Variants in FURIN observed in about 807,000 individuals in gnomAD.
The protein encoded by FURIN is furin, paired basic amino acid cleaving enzyme, also known as FES upstream region.
Under a neutral mutation model 89.2 loss-of-function variants are expected in FURIN, and 18 were observed. That is an observed-to-expected ratio of 0.20 (90% CI 0.14 to 0.30). The LOEUF is 0.30. Among genes scored for constraint, FURIN ranks in the 10% least tolerant of loss-of-function variants. The pLI is 1.00. For missense variants in FURIN, 879 were observed against 1,100.5 expected (o/e 0.80, Z 2.85); for synonymous variants, 508 against 466.4 (o/e 1.09, Z -1.15).
Position 90,879,874 on chromosome 15 carries a change from C to A in FURIN, c.1266C>A (p.His422Gln), listed in dbSNP as rs1483580724. 6.2e-7 allele frequency: 1 copy of A among 1,612,502 alleles called. No homozygotes were observed. Among genetic ancestry groups the A allele is most frequent in the Non-Finnish European group, 8.5e-7 (1 of 1,178,976 alleles). ...ATNGVGRKVS[H>Q]SYGYGLLDAG... ...CCTTCCCTGTCCCCACAGTGAGCCA[C>A]TCATATGGCTACGGGCTTTTGGACG... The change falls in exon 12 of 16, where the codon CAC (histidine) becomes CAA (glutamine). Residue 422 changes from histidine (H) to glutamine (Q), a missense_variant. Physicochemically the swap from His to Gln is conservative, Grantham distance 24 (BLOSUM62 0). Transcript: ENST00000268171.
At chr15:90,877,499 A>G (rs1422239526) in intron 6 of FURIN, 28 bp from the exon 7 acceptor site, 1 of 1,538,500 alleles carries the variant, frequency 6.5e-7, no homozygotes, top group South Asian at 1.2e-5. Flanking sequence ...CATTTGTTCT[A>G]CTCATGCTAC....
At chr15:90,870,754 C>T (rs1027908316) in intron 1 of FURIN, among the ~76,000 whole-genome samples, 1 of 152,192 alleles carries the variant, frequency 6.6e-6, no homozygotes, top group Admixed American at 6.5e-5. Flanking sequence ...CTGCCAAACA[C>T]CCCAGTCTCT....
Position 90,878,981 on chromosome 15 carries a change from G to T in FURIN, c.1053+5G>T. The stretch of plus-strand genomic sequence containing the variant: ...AACCAGAATGAGAAGCAGATCGTGA[G>T]TCTTACCTGGGGGTGGGGGCTGGGG... On this transcript the variant is annotated splice_donor_5th_base_variant and intron_variant, in intron 9 of 15. Transcript: ENST00000268171. 1.3e-6 allele frequency: 2 copies of T among 1,521,506 alleles called. No homozygotes were observed. Among genetic ancestry groups the T allele is most frequent in the Non-Finnish European group, 1.8e-6 (2 of 1,114,298 alleles). The allele number at this position is 1,521,506 out of a possible 1,614,324, so 94.3% of individuals were successfully genotyped here.
In FURIN at chr15:90,880,178, T is replaced by C; in HGVS notation, c.1461T>C (p.Ala487=). 1.9e-6 allele frequency: 3 copies of C among 1,612,584 alleles called. No homozygotes were observed. The highest frequency in any genetic ancestry group is 2.5e-6 in the Non-Finnish European group (3 of 1,179,594). Residue 487 remains alanine, a synonymous_variant, in exon 13 of 16, where the codon GCT becomes GCC. Transcript: ENST00000268171. ...EPNHITRLEH[A]QARLTLSYNR... The stretch of plus-strand genomic sequence containing the variant: ...ACCACATCACTCGGCTGGAGCACGC[T>C]CAGGCGCGGCTCACCCTGTCCTATA...
Position 90,880,182 on chromosome 15 carries a change from G to A in FURIN, c.1465G>A (p.Ala489Thr). The A allele has an allele frequency of 6.2e-7, 1 of 1,612,656 alleles. No homozygotes were observed. The highest frequency in any genetic ancestry group is 8.5e-7 in the Non-Finnish European group (1 of 1,179,662). ...CATCACTCGGCTGGAGCACGCTCAG[G>A]CGCGGCTCACCCTGTCCTATAATCG... ...NHITRLEHAQARLTLSYNRRG... is the reference protein window; with the variant it reads ...NHITRLEHAQTRLTLSYNRRG... Residue 489 changes from alanine to threonine, a missense_variant, in exon 13 of 16, where the codon GCG becomes ACG. Physicochemically the swap from Ala to Thr is moderately conservative, Grantham distance 58 (BLOSUM62 0). Coordinates refer to ENST00000268171, the MANE Select transcript of FURIN (RefSeq NM_002569.4).
At chr15:90,877,075 G>A in intron 5 of FURIN, 51 bp downstream of exon 5, 15 of 1,612,860 alleles carry the variant, frequency 9.3e-6, no homozygotes, top group Non-Finnish European at 1.2e-5. Flanking sequence ...TGTGTCTAGA[G>A]GCTGTCTTGT....
In FURIN at chr15:90,876,554, C is replaced by A. The variant is rs1290577163; in HGVS notation, c.369C>A (p.Tyr123Ter). Reference sequence around the variant, plus strand: ...ACCCCAAGTTTCCTCAGCAGTGGTACCTGGTACGTGGCCTTCTTCGCTGCT... The same window carrying A: ...ACCCCAAGTTTCCTCAGCAGTGGTAACTGGTACGTGGCCTTCTTCGCTGCT... ...PTDPKFPQQWYLSGVTQRDLN... is the reference protein window; with the variant it reads ...PTDPKFPQQW The change falls in exon 4 of 16, where the codon TAC becomes TAA. Residue 123 changes from tyrosine (Y) to a stop codon, truncating the protein, a stop_gained. Coordinates refer to ENST00000268171, the MANE Select transcript of FURIN (RefSeq NM_002569.4). LOFTEE classifies it high-confidence loss of function. The surrounding 1 kb of genome is among the most constrained non-coding windows in gnomAD (Gnocchi z 5.0). 6.2e-7 allele frequency: 1 copy of A among 1,604,032 alleles called. No homozygotes were observed. Among genetic ancestry groups the A allele is most frequent in the Admixed American group, 1.7e-5 (1 of 60,002 alleles).
rs974187066 is a variant in FURIN, at chr15:90,881,386, T to C, written c.1893T>C (p.Asn631=). 17 of 1,612,770 alleles carry C rather than the reference T, an allele frequency of 1.1e-5. No individual in the cohort carries two copies. The highest frequency in any genetic ancestry group is 1.4e-5 in the Non-Finnish European group (17 of 1,179,924). Residue 631 remains asparagine, a synonymous_variant, in exon 16 of 16, where the codon AAT becomes AAC. Transcript: ENST00000268171. The surrounding 1 kb of genome is among the most constrained non-coding windows in gnomAD (Gnocchi z 4.3). The part of the protein sequence containing the change: ...QVLDTHYSTE[N]DVETIRASVC... Reference sequence around the variant, plus strand: ...TCGATACGCACTATAGCACCGAGAATGACGTGGAGACCATCCGGGCCAGCG... The same window carrying C: ...TCGATACGCACTATAGCACCGAGAACGACGTGGAGACCATCCGGGCCAGCG...
At position 90,879,768 on chromosome 15, in the gene FURIN, C is replaced by T. The variant is rs559606832; in HGVS notation, c.1252C>T (p.Arg418Trp). The change falls in exon 11 of 16, where the codon CGG becomes TGG. Residue 418 changes from arginine to tryptophan, a missense_variant. Coordinates refer to ENST00000268171, the MANE Select transcript of FURIN (RefSeq NM_002569.4). ...ANDWATNGVGRKVSHSYGYGL... is the reference protein window; with the variant it reads ...ANDWATNGVGWKVSHSYGYGL... ...CGACTGGGCCACCAATGGTGTGGGC[C>T]GGAAAGGTGAGGGCAGGCTGGCCCG... 7 of 1,613,270 alleles carry T rather than the reference C, an allele frequency of 4.3e-6. No homozygotes were observed. The highest frequency in any genetic ancestry group is 2.2e-5 in the East Asian group (1 of 44,900).
chr15:90,876,899 G>C lies in FURIN; in HGVS notation c.376G>C (p.Gly126Arg). ...GATGGGGTGGGTGTCTCCACAGTCT[G>C]GTGTCACTCAGCGGGACCTGAATGT... is the stretch of plus-strand genomic sequence containing the variant. ...PKFPQQWYLS[G>R]VTQRDLNVKA... The change falls in exon 5 of 16, where the codon GGT becomes CGT. Residue 126 changes from glycine (G) to arginine (R), a missense_variant. Transcript: ENST00000268171. This position sits in a 1 kb window ranked among gnomAD's most constrained non-coding sequence, Gnocchi z 5.0. The C allele has an allele frequency of 6.2e-7, 1 of 1,614,098 alleles. No homozygotes were observed. Among genetic ancestry groups the C allele is most frequent in the Non-Finnish European group, 8.5e-7 (1 of 1,179,960 alleles).
Position 90,882,101 on chromosome 15 carries a change from T to G in FURIN, c.*223T>G. 1 of 541,300 alleles carries G rather than the reference T, an allele frequency of 1.8e-6. No individual in the cohort carries two copies. The highest frequency in any genetic ancestry group is 3.3e-6 in the Non-Finnish European group (1 of 304,830). The allele number at this position is 541,300 out of a possible 1,614,324, so 33.5% of individuals were successfully genotyped here. A position where few individuals can be genotyped will look rare whatever the true frequency, so the allele number is the denominator to read the frequency against. ...TACCCCACCCTCAGCACCCCTTCCA[T>G]GTGGAGAAAGGAGTGAAACCTTTAG... On this transcript the variant is annotated 3_prime_UTR_variant, in exon 16 of 16. Coordinates refer to ENST00000268171, the MANE Select transcript of FURIN (RefSeq NM_002569.4).
At chr15:90,875,311 G>A (rs1055189721) in intron 1 of FURIN, among the ~76,000 whole-genome samples, 21 of 152,156 alleles carry the variant, frequency 1.4e-4, no homozygotes, top group African/African-American at 5.1e-4. Context: ...CTGGATGACA[G>A]AAGTGAGCCA....
chr15:90,879,230 C>T (rs1404401993), intron 9 of FURIN, among the ~76,000 whole-genome samples: 1 of 152,214 alleles, frequency 6.6e-6, no homozygotes, highest in South Asian at 2.1e-4. Context: ...AGTTGAACCC[C>T]CTTATTCCTT....
chr15:90,879,799 C>G, intron 11 of FURIN, 25 bp downstream of exon 11: 1 of 1,609,364 alleles, frequency 6.2e-7, no homozygotes, highest in Non-Finnish European at 8.5e-7. Context: ...GCCCGGCAGG[C>G]TGGATGTGGA....
intron 8 of FURIN, 65 bp from the exon 9 acceptor site, chr15:90,878,699 G>A: frequency 1.0e-6 from 1 of 953,100 alleles, no homozygotes; most frequent in Non-Finnish European, 1.6e-6. Flanking sequence ...TTTTCCAGCA[G>A]TGTCCTCCTG....
chr15:90,880,826 C>T lies in FURIN; in HGVS notation c.1681+11C>T, dbSNP rs2031921067. ...AAGCCAACAACTATGGTACTGGGGGCACTTGAGGGGTAGGGGTACGAGGTG... is the reference window on the plus strand; with the variant it reads ...AAGCCAACAACTATGGTACTGGGGGTACTTGAGGGGTAGGGGTACGAGGTG... On this transcript the variant is annotated intron_variant, in intron 14 of 15. Coordinates refer to ENST00000268171, the MANE Select transcript of FURIN (RefSeq NM_002569.4). The T allele has an allele frequency of 2.5e-6, 4 of 1,612,032 alleles. No homozygotes were observed. The highest frequency in any genetic ancestry group is 2.2e-5 in the South Asian group (2 of 90,850).
chr15:90,869,283 C>T (rs572245557), intron 1 of FURIN, among the ~76,000 whole-genome samples: 40 of 152,098 alleles, frequency 2.6e-4, no homozygotes, highest in Non-Finnish European at 5.1e-4. Context: ...GGACCTTGGG[C>T]CCCTAGGGCC....
intron 1 of FURIN, among the ~76,000 whole-genome samples, chr15:90,874,815 C>G (rs1006563731): frequency 1.3e-5 from 2 of 152,196 alleles, no homozygotes; most frequent in African/African-American, 4.8e-5. Flanking sequence ...CCACCGTTAA[C>G]ATTTTTTAGC....
Position 90,876,622 on chromosome 15 carries a change from T to G in FURIN, c.372+65T>G. 1.9e-5 allele frequency: 20 copies of G among 1,066,824 alleles called. No individual in the cohort carries two copies. Among genetic ancestry groups the G allele is most frequent in the Non-Finnish European group, 2.5e-5 (17 of 689,474 alleles). The allele number at this position is 1,066,824 out of a possible 1,614,324, so 66.1% of individuals were successfully genotyped here. A position where few individuals can be genotyped will look rare whatever the true frequency, so the allele number is the denominator to read the frequency against. Reference sequence around the variant, plus strand: ...TGCACCATCCACCCACTATGAGCTCTTGGATGGAGGAGGCTGTCTTCGAGG... The same window carrying G: ...TGCACCATCCACCCACTATGAGCTCGTGGATGGAGGAGGCTGTCTTCGAGG... On this transcript the variant is annotated intron_variant, in intron 4 of 15. Transcript: ENST00000268171. This position sits in a 1 kb window ranked among gnomAD's most constrained non-coding sequence, Gnocchi z 5.0.
Sources: allele counts gnomAD v4.1 joint callset (sites outside exome capture counted in the v4.1 genomes callset), GRCh38; gene constraint gnomAD v4.1.1; non-coding constraint Gnocchi (gnomAD v3.1); transcripts MANE v1.5; gene names NCBI Gene and HGNC (gene_info 2026-07-23, HGNC 2026-07-21).